PPP1R42: variants seen among roughly 807,000 people sequenced by gnomAD.
PPP1R42 encodes leucine rich repeat containing 67.
In PPP1R42, 34 loss-of-function variants were observed where a neutral mutation model predicts 31.0. The ratio of observed to expected loss-of-function variants is 1.10; its 90% CI spans 0.83 to 1.46. The LOEUF (loss-of-function observed/expected upper bound fraction) is 1.46. Among genes scored for constraint, PPP1R42 ranks in the 40% most tolerant of loss-of-function variants. The pLI is 0.00. For missense variants in PPP1R42, 268 were observed against 303.0 expected (o/e 0.88, Z 0.86); for synonymous variants, 103 against 109.8 (o/e 0.94, Z 0.39).
chr8:66,979,207 C>G (rs1365466839), intron 7 of PPP1R42, among the ~76,000 whole-genome samples: 3 of 152,086 alleles, frequency 2.0e-5, no homozygotes, highest in Non-Finnish European at 4.4e-5. Flanking sequence ...GGTCTTTGAT[C>G]CATACTGAGT....
intron 5 of PPP1R42, among the ~76,000 whole-genome samples, chr8:66,998,789 T>C (rs1385832013): frequency 1.3e-5 from 2 of 152,246 alleles, no homozygotes; most frequent in Non-Finnish European, 2.9e-5. Context: ...TGTGCATCTA[T>C]TGAGATGATC....
At chr8:67,012,462 C>T (rs1235133065) in intron 4 of PPP1R42, among the ~76,000 whole-genome samples, 1 of 152,112 alleles carries the variant, frequency 6.6e-6, no homozygotes, top group Non-Finnish European at 1.5e-5. Context: ...CCCCAGGGCT[C>T]CCAGGCCTAC....
At chr8:67,004,198 C>A (rs1262408745) in intron 5 of PPP1R42, among the ~76,000 whole-genome samples, 1 of 152,198 alleles carries the variant, frequency 6.6e-6, no homozygotes, top group Admixed American at 6.5e-5. Flanking sequence ...TCCTTTCATC[C>A]CTCTGCTGTA....
intron 5 of PPP1R42, among the ~76,000 whole-genome samples, chr8:67,002,735 T>C (rs1480220912): frequency 2.0e-5 from 3 of 149,650 alleles, no homozygotes; most frequent in African/African-American, 7.3e-5. Context: ...TTTTTTTTTT[T>C]CAGTGTTTTT....
intron 5 of PPP1R42, among the ~76,000 whole-genome samples, chr8:67,006,195 T>A (rs1815667699): frequency 6.6e-6 from 1 of 152,238 alleles, no homozygotes; most frequent in Non-Finnish European, 1.5e-5. Flanking sequence ...TTTGCATATC[T>A]TCTTTCTCAT....
chr8:66,980,011 G>A (rs1814781852), intron 7 of PPP1R42, among the ~76,000 whole-genome samples: 1 of 152,104 alleles, frequency 6.6e-6, no homozygotes, highest in African/African-American at 2.4e-5. Flanking sequence ...CATCTTTGGT[G>A]TAATACTGAA....
chr8:66,971,323 T>TC (rs920913230), intron 7 of PPP1R42, among the ~76,000 whole-genome samples: 4 of 152,178 alleles, frequency 2.6e-5, no homozygotes, highest in African/African-American at 9.7e-5. Context: ...CAAAAACCTA[T>TC]ACAGGAAAGT....
rs373268130 is a variant in PPP1R42, at chr8:67,022,419, AAT to A, written c.-84-4590_-84-4589del. On this transcript the variant is annotated intron_variant, in intron 1 of 7. Transcript: ENST00000685739. ...TATTAGATACTAATATTTCATTGAT[AAT>A]ATGTGTTGCAAATGTCTTTTCCCAG... Among the ~76,000 whole-genome samples the A allele has an allele frequency of 1.7e-4, 26 of 152,266 alleles. No homozygotes were observed. In the East Asian group the frequency reaches 5.0e-3, roughly 29 times the overall value.
chr8:67,020,589 T>A (rs1816184850), intron 1 of PPP1R42, among the ~76,000 whole-genome samples: 1 of 152,238 alleles, frequency 6.6e-6, no homozygotes, highest in Admixed American at 6.5e-5. Flanking sequence ...TACTTCAATT[T>A]CTTACAAAAT....
intron 7 of PPP1R42, among the ~76,000 whole-genome samples, chr8:66,977,325 G>T (rs561258309): frequency 6.7e-6 from 1 of 149,234 alleles, no homozygotes; most frequent in East Asian, 2.0e-4. Flanking sequence ...GAGCCATCGC[G>T]CCCACCCTTG....
At chr8:66,984,528 G>A (rs1814943329) in intron 6 of PPP1R42, 1 of 1,257,252 alleles carries the variant, frequency 8.0e-7, no homozygotes, top group Admixed American at 1.7e-5. Context: ...TGGCTGGGGT[G>A]CTAAATTTCT....
intron 5 of PPP1R42, among the ~76,000 whole-genome samples, chr8:67,005,334 T>A (rs1815640855): frequency 6.6e-6 from 1 of 152,108 alleles, no homozygotes; most frequent in African/African-American, 2.4e-5. Context: ...TTCTTCTACA[T>A]CATTGACTCC....
chr8:66,988,860 A>G (rs1025267778), intron 5 of PPP1R42, among the ~76,000 whole-genome samples: 5 of 152,162 alleles, frequency 3.3e-5, no homozygotes, highest in East Asian at 1.9e-4. Flanking sequence ...AGATTAGGCA[A>G]TTAAGGGGTA....
chr8:66,976,692 C>T (rs546373547), intron 7 of PPP1R42, among the ~76,000 whole-genome samples: 6 of 150,468 alleles, frequency 4.0e-5, no homozygotes, highest in East Asian at 2.0e-4. Context: ...TTTCACTTAA[C>T]ATAATGTCCC....
At chr8:67,006,272 C>T (rs1037529141) in intron 5 of PPP1R42, among the ~76,000 whole-genome samples, 4 of 152,140 alleles carry the variant, frequency 2.6e-5, no homozygotes, top group Non-Finnish European at 4.4e-5. Flanking sequence ...CTAAAATATC[C>T]GCTGACTCCT....
chr8:67,026,226 T>C (rs1481636906), intron 1 of PPP1R42, among the ~76,000 whole-genome samples: 1 of 151,578 alleles, frequency 6.6e-6, no homozygotes, highest in African/African-American at 2.4e-5. Context: ...TAATCCCAGC[T>C]ACTCGGGAGG....
At chr8:67,009,956 A>G (rs1815795035) in intron 5 of PPP1R42, among the ~76,000 whole-genome samples, 1 of 152,238 alleles carries the variant, frequency 6.6e-6, no homozygotes, top group Admixed American at 6.5e-5. Context: ...TCAAGAAATT[A>G]TACCACAGCT....
At chr8:66,976,920 C>T (rs185712945) in intron 7 of PPP1R42, among the ~76,000 whole-genome samples, 18 of 152,014 alleles carry the variant, frequency 1.2e-4, no homozygotes, top group African/African-American at 3.4e-4. Context: ...GATAGATGGT[C>T]AGTAGTGGGA....
chr8:67,000,132 TAATTTCCTTCCTTCAAATTAATTTTG>T (rs996831474), intron 5 of PPP1R42, among the ~76,000 whole-genome samples: 2 of 152,170 alleles, frequency 1.3e-5, no homozygotes, highest in African/African-American at 4.8e-5. Flanking sequence ...TCCTTCATTT[TAATTTCCTTCCTTCAAATTAATTTTG>T]AATTTAATTT....
Sources: gnomAD v4.1 joint callset for allele counts (sites outside exome capture counted in the v4.1 genomes callset) on GRCh38, gnomAD v4.1.1 for gene constraint, MANE v1.5 for transcripts, NCBI Gene and HGNC (gene_info 2026-07-23, HGNC 2026-07-21) for gene names.